RRP12: variants seen among roughly 807,000 people sequenced by gnomAD.
RRP12 encodes the protein ribosomal RNA processing 12 homolog.
In RRP12, 78 loss-of-function variants were observed where a neutral mutation model predicts 157.3. That is an observed-to-expected ratio of 0.50 (90% CI 0.41 to 0.60). RRP12 has a LOEUF of 0.60. RRP12 is among the 20% of genes least tolerant of loss of function. RRP12 has a pLI of 0.00. For synonymous variants in RRP12, 726 were observed against 670.9 expected (o/e 1.08, Z -1.27); for missense variants, 1,521 against 1,679.9 (o/e 0.91, Z 1.65).
chr10:97,388,150 C>T, intron 8 of RRP12, 102 bp downstream of exon 8: 2 of 1,491,484 alleles, frequency 1.3e-6, no homozygotes, highest in Non-Finnish European at 1.8e-6. Context: ...AGAACACAGT[C>T]AGGGAGGGAG....
chr10:97,379,881 AC>A, intron 13 of RRP12, 111 bp from the exon 14 acceptor site: 1 of 1,046,594 alleles, frequency 9.6e-7, no homozygotes, highest in Non-Finnish European at 1.4e-6. Flanking sequence ...TCAACGCTAC[AC>A]CAGAGGGTAC....
chr10:97,375,876 G>C (rs1271207085), intron 15 of RRP12, among the ~76,000 whole-genome samples: 1 of 152,326 alleles, frequency 6.6e-6, no homozygotes, highest in East Asian at 1.9e-4. Context: ...GGCCAAGGCG[G>C]GTGGATCACT....
rs1277105987 is a variant in RRP12 at position 97,379,363 on chromosome 10, A to G, written c.1728T>C (p.His576=). Residue 576 remains histidine (H), a synonymous_variant, in exon 15 of 34, where the codon CAT becomes CAC. Transcript: ENST00000370992. Reference sequence around the variant, plus strand: ...AAAAACCAAGTCGCGTTTCCTGAACATGGTCTCGGATGACAGGCAGCAGCC... The same window carrying G: ...AAAAACCAAGTCGCGTTTCCTGAACGTGGTCTCGGATGACAGGCAGCAGCC... ...RSWLLPVIRD[H]VQETRLGFFT... 3 of 1,614,130 alleles carry G rather than the reference A, an allele frequency of 1.9e-6. No homozygotes were observed. The highest frequency in any genetic ancestry group is 2.5e-6 in the Non-Finnish European group (3 of 1,179,970).
At chr10:97,357,246 C>G in intron 33 of RRP12, 50 bp from the exon 34 acceptor site, 1 of 1,232,750 alleles carries the variant, frequency 8.1e-7, no homozygotes. Context: ...AATAGGAGGC[C>G]CCCTCCTGTT....
Position 97,370,186 on chromosome 10 carries a change from G to A in RRP12, c.2778C>T (p.His926=), listed in dbSNP as rs757571567. ...ATTTACCTTTAAACTCGAAAAGGAG[G>A]TGGGTCAGGGCCAGGATGCTGCAGC... The part of the protein sequence containing the change: ...MVSCSILALT[H]LLFEFKGLMG... Residue 926 remains histidine, a synonymous_variant, in exon 24 of 34, where the codon CAC becomes CAT. Transcript: ENST00000370992. 10 of 1,604,202 alleles carry A rather than the reference G, an allele frequency of 6.2e-6. No individual in the cohort carries two copies. Among genetic ancestry groups the A allele is most frequent in the Non-Finnish European group, 8.5e-6 (10 of 1,175,794 alleles).
In RRP12 at chr10:97,371,069, C is replaced by T. The variant is rs370777248; in HGVS notation, c.2356G>A (p.Gly786Arg). ...IRPYLESKAH[G>R]VQKKAYRVLE... ...ACTCGGTAGGCCTTCTTCTGCACCC[C>T]GTGGGCCTTGCTCTGGCAGACAGGA... Residue 786 changes from glycine (G) to arginine (R), a missense_variant, in exon 21 of 34, where the codon GGG becomes AGG. Coordinates refer to ENST00000370992, the MANE Select transcript of RRP12 (RefSeq NM_015179.4). The T allele has an allele frequency of 3.7e-4, 590 of 1,613,446 alleles. 10 individuals carry two copies. The South Asian group carries it at 6.0e-3, about 16-fold the overall frequency.
At chr10:97,374,364 G>A (rs768731495) in intron 15 of RRP12, among the ~76,000 whole-genome samples, 37 of 152,100 alleles carry the variant, frequency 2.4e-4, no homozygotes, top group Non-Finnish European at 3.1e-4. Context: ...GTTTCACCAT[G>A]TTGCCCAGAC....
chr10:97,395,418 GGCGCAC>G (rs1844931398), intron 3 of RRP12, among the ~76,000 whole-genome samples: 1 of 151,886 alleles, frequency 6.6e-6, no homozygotes, highest in Non-Finnish European at 1.5e-5. Flanking sequence ...CAGGTGTGGT[GGCGCAC>G]GCCTGTAATC....
At chr10:97,389,993 G>A (rs12266723) in intron 6 of RRP12, among the ~76,000 whole-genome samples, 58,656 of 152,008 alleles carry the variant, frequency 0.39, 11,876 homozygotes, top group African/African-American at 0.51. Flanking sequence ...GATTACAGGC[G>A]TGAGCCACCA....
At chr10:97,386,283 T>C (rs1844629914) in intron 8 of RRP12, among the ~76,000 whole-genome samples, 1 of 131,426 alleles carries the variant, frequency 7.6e-6, no homozygotes, top group Non-Finnish European at 1.6e-5. Flanking sequence ...TTTTTTTTTT[T>C]GAGACAGAAT....
intron 30 of RRP12, among the ~76,000 whole-genome samples, chr10:97,363,531 A>C (rs1267164404): frequency 6.6e-6 from 1 of 152,194 alleles, no homozygotes; most frequent in East Asian, 1.9e-4. Flanking sequence ...AGTGCTGGGC[A>C]CACAGCCATG....
At chr10:97,370,037 T>C (rs1844097594) in intron 24 of RRP12, 130 bp downstream of exon 24, 1 of 671,226 alleles carries the variant, frequency 1.5e-6, no homozygotes, top group Non-Finnish European at 2.6e-6. Flanking sequence ...GGAGGCAAAC[T>C]GGGCTGGGTG....
At position 97,401,223 on chromosome 10, in the gene RRP12, G is replaced by A. The variant is rs1010354891; in HGVS notation, c.9C>T (p.Arg3=). 3 of 1,614,062 alleles carry A rather than the reference G, an allele frequency of 1.9e-6. No homozygotes were observed. Among genetic ancestry groups the A allele is most frequent in the Admixed American group, 1.7e-5 (1 of 59,990 alleles). ...AGACACCAGAAGGCAACTTTCCCGAGCGACCCATGTTGACTAAGCCGTGGC... is the reference window on the plus strand; with the variant it reads ...AGACACCAGAAGGCAACTTTCCCGAACGACCCATGTTGACTAAGCCGTGGC... MG[R]SGKLPSGVSA... is the part of the protein sequence containing the mutation. The change falls in exon 1 of 34, where the codon CGC becomes CGT. Residue 3 remains arginine (R), a synonymous_variant. Coordinates refer to ENST00000370992, the MANE Select transcript of RRP12 (RefSeq NM_015179.4).
intron 11 of RRP12, 71 bp from the exon 12 acceptor site, chr10:97,381,554 C>G (rs1339090584): frequency 3.0e-6 from 4 of 1,325,198 alleles, no homozygotes; most frequent in Non-Finnish European, 4.2e-6. Context: ...TCCCAGGCAA[C>G]AGTTTCCTGG....
intron 29 of RRP12, 30 bp from the exon 30 acceptor site, chr10:97,363,933 G>A (rs545649460): frequency 2.7e-5 from 43 of 1,604,820 alleles, no homozygotes; most frequent in African/African-American, 2.5e-4. Context: ...GCCCATGAGC[G>A]CTGTGGGAGC....
At chr10:97,371,545 G>A (rs1417653605) in intron 20 of RRP12, 2 of 201,044 alleles carry the variant, frequency 9.9e-6, no homozygotes, top group Admixed American at 1.0e-4. Context: ...TGCTGCCCCA[G>A]AGCACTTCTC....
At chr10:97,362,768 T>G (rs1843878052) in intron 30 of RRP12, among the ~76,000 whole-genome samples, 1 of 152,170 alleles carries the variant, frequency 6.6e-6, no homozygotes, top group Admixed American at 6.5e-5. Flanking sequence ...ACTCTGGATA[T>G]GTACTCAGCT....
At chr10:97,371,356 G>C in intron 20 of RRP12, 1 of 496,596 alleles carries the variant, frequency 2.0e-6, no homozygotes. Context: ...TGCCTGGCAC[G>C]CGCCAAGGCC....
rs751077456 is a variant in RRP12 at position 97,396,295 on chromosome 10, C to T, written c.376G>A (p.Ala126Thr). ...ACCTCAGTGACAGCAGCCAGAACAG[C>T]ACAGATCTGCACAGGAGGGAGAAAG... ...SNSAAHKEIC[A>T]VLAAVTEVIR... The change falls in exon 3 of 34, where the codon GCT becomes ACT. Residue 126 changes from alanine to threonine, a missense_variant. By Grantham distance (58) the Ala-to-Thr change is moderately conservative. Transcript: ENST00000370992. 7 of 1,613,370 alleles carry T rather than the reference C, an allele frequency of 4.3e-6. No individual in the cohort carries two copies. Among genetic ancestry groups the T allele is most frequent in the Admixed American group, 1.7e-5 (1 of 60,000 alleles).
Sources: gnomAD v4.1 joint callset for allele counts (sites outside exome capture counted in the v4.1 genomes callset) on GRCh38, gnomAD v4.1.1 for gene constraint, MANE v1.5 for transcripts, NCBI Gene and HGNC (gene_info 2026-07-23, HGNC 2026-07-21) for gene names.